The following NUP93 variants were observed in gnomAD, a reference collection of about 807,000 sequenced individuals.
NUP93 encodes the protein nuclear pore complex protein Nup93.
A neutral mutation model predicts 107.8 loss-of-function variants in NUP93; 55 were observed. The ratio of observed to expected loss-of-function variants is 0.51; its 90% CI spans 0.41 to 0.64. The LOEUF is 0.64. NUP93 is among the 30% of genes least tolerant of loss of function. NUP93 has a pLI of 0.00. For missense variants in NUP93, 937 were observed against 1,044.7 expected, an observed-to-expected ratio of 0.90 and a Z score of 1.42; for synonymous variants, 390 against 397.5, an observed-to-expected ratio of 0.98 and a Z score of 0.22.
intron 3 of NUP93, among the ~76,000 whole-genome samples, chr16:56,794,070 ATAGGTAGGTAGG>A (rs59624915): frequency 6.7e-6 from 1 of 148,424 alleles, no homozygotes; most frequent in Non-Finnish European, 1.5e-5. Context: ...AGATAGATAG[ATAGGTAGGTAGG>A]TAGGTAGGTA....
chr16:56,794,259 A>G (rs1962838541), intron 3 of NUP93, among the ~76,000 whole-genome samples: 1 of 152,122 alleles, frequency 6.6e-6, no homozygotes, highest in Admixed American at 6.6e-5. Context: ...AAAATTCAAA[A>G]TCTATTTTGT....
chr16:56,806,307 A>G (rs1295113017), intron 5 of NUP93, among the ~76,000 whole-genome samples: 1 of 151,828 alleles, frequency 6.6e-6, no homozygotes, highest in Non-Finnish European at 1.5e-5. Context: ...CTACCTTAAA[A>G]TATACCCAGA....
At position 56,831,982 on chromosome 16, in the gene NUP93, A is replaced by G. The variant is rs754132298; in HGVS notation, c.1226A>G (p.Lys409Arg). ...GACAACCAGAGTGAAGTGGCGGACA[A>G]AACTGAGGATTACCTGTGGCTGAAG... Reference protein sequence around the residue: ...VTDNQSEVADKTEDYLWLKLN... With the variant: ...VTDNQSEVADRTEDYLWLKLN... The change falls in exon 11 of 22, where the codon AAA (lysine) becomes AGA (arginine). Residue 409 changes from lysine to arginine, a missense_variant. Transcript: ENST00000308159. 9.9e-6 allele frequency: 16 copies of G among 1,613,948 alleles called. No homozygotes were observed. The highest frequency in any genetic ancestry group is 1.3e-5 in the Non-Finnish European group (15 of 1,180,010).
rs546004434 is a variant in NUP93, at chr16:56,761,054, C to A, written c.297+2399C>A. 5.9e-5 allele frequency among the ~76,000 whole-genome samples: 9 copies of A among 152,258 alleles called. No homozygotes were observed. In the East Asian group the frequency reaches 1.7e-3, roughly 29 times the overall value. On this transcript the variant is annotated intron_variant, in intron 3 of 21. Transcript: ENST00000308159. ...ATGCAAAATGGTCAGTCCAAGATAA[C>A]TTTTGATTAATTAGGAATTGATCAT... is the stretch of plus-strand genomic sequence containing the variant.
chr16:56,760,983 A>G (rs946285844), intron 3 of NUP93, among the ~76,000 whole-genome samples: 1 of 152,128 alleles, frequency 6.6e-6, no homozygotes. Context: ...AAAAACCCAG[A>G]AACAACTCAC....
At chr16:56,813,965 C>G (rs1237353445) in intron 5 of NUP93, among the ~76,000 whole-genome samples, 1 of 152,166 alleles carries the variant, frequency 6.6e-6, no homozygotes, top group African/African-American at 2.4e-5. Flanking sequence ...CTAGTCCTCT[C>G]TGGTCCCTGG....
At chr16:56,784,018 A>G (rs1450163806) in intron 3 of NUP93, 3 of 411,860 alleles carry the variant, frequency 7.3e-6, no homozygotes, top group South Asian at 2.0e-4. Flanking sequence ...TTTTTAATGT[A>G]TTTCTCAAAA....
chr16:56,763,997 C>T (rs1339223567), intron 3 of NUP93, among the ~76,000 whole-genome samples: 6 of 152,088 alleles, frequency 3.9e-5, no homozygotes, highest in African/African-American at 1.4e-4. Flanking sequence ...GTTAGGGAAA[C>T]TGAACTATAT....
chr16:56,829,716 G>T (rs578215201), intron 9 of NUP93, among the ~76,000 whole-genome samples: 1 of 152,290 alleles, frequency 6.6e-6, no homozygotes, highest in South Asian at 2.1e-4. Flanking sequence ...AGAGAGTATC[G>T]GGAGGACTGG....
chr16:56,839,514 T>C lies in NUP93; in HGVS notation c.2137-7T>C, dbSNP rs564038516. The C allele has an allele frequency of 6.2e-7, 1 of 1,606,332 alleles. No individual in the cohort carries two copies. The highest frequency in any genetic ancestry group is 1.1e-5 in the South Asian group (1 of 89,486). ...TGTTACATGGGGCCGGTGGTTGTTT[T>C]AAACAGATCATTGAGCGCTTGAAGC... On this transcript the variant is annotated splice_region_variant and splice_polypyrimidine_tract_variant and intron_variant, in intron 19 of 21. Transcript: ENST00000308159.
chr16:56,813,586 C>G (rs562133654), intron 5 of NUP93, among the ~76,000 whole-genome samples: 30 of 152,280 alleles, frequency 2.0e-4, no homozygotes, highest in African/African-American at 7.0e-4. Flanking sequence ...GCTTTTCTGA[C>G]AGTAGAGGAA....
At chr16:56,763,089 T>C (rs1797010300) in intron 3 of NUP93, among the ~76,000 whole-genome samples, 1 of 152,208 alleles carries the variant, frequency 6.6e-6, no homozygotes, top group Non-Finnish European at 1.5e-5. Flanking sequence ...TTCAACCCAC[T>C]GTACTTATAG....
intron 3 of NUP93, among the ~76,000 whole-genome samples, chr16:56,777,538 C>CCTCA: frequency 6.6e-6 from 1 of 152,232 alleles, no homozygotes; most frequent in Middle Eastern, 3.4e-3. Flanking sequence ...ATCTGGTGTT[C>CCTCA]CTCACTTAAA....
rs371274035 is a variant in NUP93, at chr16:56,837,670, T to G, written c.1962T>G (p.Ser654Arg). Residue 654 changes from serine to arginine, a missense_variant, in exon 18 of 22, where the codon AGT becomes AGG. Physicochemically the swap from Ser to Arg is moderately radical, Grantham distance 110. Coordinates refer to ENST00000308159, the MANE Select transcript of NUP93 (RefSeq NM_014669.5). Reference sequence around the variant, plus strand: ...TGAGCCCTGTCGTCCCCCAGATCAGTGCCCCGCAATCCAACAAGGAGAGGC... The same window carrying G: ...TGAGCCCTGTCGTCCCCCAGATCAGGGCCCCGCAATCCAACAAGGAGAGGC... ...KLLSPVVPQISAPQSNKERLK... is the reference protein window; with the variant it reads ...KLLSPVVPQIRAPQSNKERLK... 4 of 1,614,022 alleles carry G rather than the reference T, an allele frequency of 2.5e-6. No homozygotes were observed. The highest frequency in any genetic ancestry group is 3.4e-6 in the Non-Finnish European group (4 of 1,180,004).
intron 1 of NUP93, among the ~76,000 whole-genome samples, chr16:56,739,536 C>T (rs1195501767): frequency 1.8e-5 from 2 of 111,510 alleles, no homozygotes; most frequent in African/African-American, 3.5e-5. Context: ...GACCCCCCCC[C>T]ACCTCCCTCC....
intron 3 of NUP93, among the ~76,000 whole-genome samples, chr16:56,763,573 T>A (rs1962167015): frequency 6.6e-6 from 1 of 151,852 alleles, no homozygotes; most frequent in Admixed American, 6.6e-5. Context: ...TTTTCTTTTA[T>A]AACATATCTT....
intron 3 of NUP93, among the ~76,000 whole-genome samples, chr16:56,785,499 A>G (rs1332304788): frequency 6.6e-6 from 1 of 152,152 alleles, no homozygotes; most frequent in Non-Finnish European, 1.5e-5. Context: ...CTGATAGTGA[A>G]GAGTCAGGGA....
intron 1 of NUP93, among the ~76,000 whole-genome samples, chr16:56,735,571 G>A (rs1392049754): frequency 6.6e-6 from 1 of 152,186 alleles, no homozygotes; most frequent in African/African-American, 2.4e-5. Context: ...GGGGTCGGGC[G>A]CAGTGGCCCT....
At chr16:56,775,202 G>A (rs903419626) in intron 3 of NUP93, among the ~76,000 whole-genome samples, 5 of 152,060 alleles carry the variant, frequency 3.3e-5, no homozygotes, top group Non-Finnish European at 7.4e-5. Context: ...CGCCCAGCCC[G>A]AATTAAGTTC....
Sources: gnomAD v4.1 joint callset for allele counts (sites outside exome capture counted in the v4.1 genomes callset) on GRCh38, gnomAD v4.1.1 for gene constraint, MANE v1.5 for transcripts, NCBI Gene and HGNC (gene_info 2026-07-23, HGNC 2026-07-21) for gene names.